CEACAM5: variants seen among roughly 807,000 people sequenced by gnomAD.
The protein encoded by CEACAM5 is CEA cell adhesion molecule 5.
A neutral mutation model predicts 63.0 loss-of-function variants in CEACAM5; 52 were observed. The ratio of observed to expected loss-of-function variants is 0.83; its 90% CI spans 0.66 to 1.04. The LOEUF is 1.04. Among genes scored for constraint, CEACAM5 ranks in the 50% least tolerant of loss-of-function variants. The pLI is 0.00. For missense variants in CEACAM5, 790 were observed against 864.8 expected (o/e 0.91, Z 1.08); for synonymous variants, 357 against 351.3 (o/e 1.02, Z -0.18).
At chr19:41,713,245 C>A (rs1477048593) in intron 2 of CEACAM5, among the ~76,000 whole-genome samples, 1 of 152,000 alleles carries the variant, frequency 6.6e-6, no homozygotes, top group Non-Finnish European at 1.5e-5. Flanking sequence ...GTGGAGGTTG[C>A]AGTGAGCTGA....
chr19:41,711,005 A>G (rs1409125882), intron 2 of CEACAM5, among the ~76,000 whole-genome samples: 1 of 152,156 alleles, frequency 6.6e-6, no homozygotes, highest in Non-Finnish European at 1.5e-5. Flanking sequence ...TTGAAGTCAC[A>G]TGAGGTCTGT....
At chr19:41,709,107 C>A (rs1207729256) in intron 1 of CEACAM5, among the ~76,000 whole-genome samples, 4 of 152,262 alleles carry the variant, frequency 2.6e-5, no homozygotes, top group African/African-American at 7.2e-5. Flanking sequence ...CATCCGCCTA[C>A]CGCGGACATT....
intron 6 of CEACAM5, 26 bp from the exon 7 acceptor site, chr19:41,719,904 C>A (rs782158305): frequency 6.2e-7 from 1 of 1,613,428 alleles, no homozygotes; most frequent in Admixed American, 1.7e-5. Flanking sequence ...CCACACAGGG[C>A]AATCTTCTCT....
chr19:41,724,817 G>T (rs1479993270), intron 8 of CEACAM5, among the ~76,000 whole-genome samples: 1 of 152,154 alleles, frequency 6.6e-6, no homozygotes, highest in Non-Finnish European at 1.5e-5. Context: ...TGTTGATTTT[G>T]TATCCTGCAA....
At chr19:41,728,957 C>T (rs1272962493) in intron 9 of CEACAM5, among the ~76,000 whole-genome samples, 1 of 151,992 alleles carries the variant, frequency 6.6e-6, no homozygotes, top group Non-Finnish European at 1.5e-5. Context: ...ATATGGGAAG[C>T]ACTGTCAAAT....
chr19:41,728,786 C>CAACAAAAAAAA (rs2072733636), intron 9 of CEACAM5, among the ~76,000 whole-genome samples: 5 of 73,298 alleles, frequency 6.8e-5, no homozygotes, highest in African/African-American at 2.3e-4. Context: ...GACTCCGTCT[C>CAACAAAAAAAA]AAAAAAAAAA....
intron 6 of CEACAM5, among the ~76,000 whole-genome samples, 171 bp downstream of exon 6, chr19:41,718,553 G>C (rs1568707589): frequency 1.3e-5 from 2 of 152,116 alleles, no homozygotes; most frequent in Non-Finnish European, 2.9e-5. Flanking sequence ...TCTTCCCCTT[G>C]TTTTTCTGAT....
At chr19:41,718,802 A>C (rs2072570446) in intron 6 of CEACAM5, among the ~76,000 whole-genome samples, 1 of 152,156 alleles carries the variant, frequency 6.6e-6, no homozygotes, top group South Asian at 2.1e-4. Flanking sequence ...TTTTTCCCCA[A>C]ATGAGAGGAG....
At position 41,729,270 on chromosome 19, in the gene CEACAM5, C is replaced by T. The variant is rs1186515079; in HGVS notation, c.*123C>T. On this transcript the variant is annotated 3_prime_UTR_variant, in exon 10 of 10. Transcript: ENST00000221992. ...ACCAAGGATATTTACAGAAAAGACT[C>T]TGACCAGAGATCGAGACCATCCTAG... 6.6e-6 allele frequency: 1 copy of T among 152,098 alleles called. No homozygotes were observed. The highest frequency in any genetic ancestry group is 1.5e-5 in the Non-Finnish European group (1 of 68,030). 9.4% of individuals were successfully genotyped at this position (152,098 alleles called of 1,614,324 possible). A position where few individuals can be genotyped will look rare whatever the true frequency, so the allele number is the denominator to read the frequency against.
At chr19:41,717,337 T>C (rs1363838294) in intron 4 of CEACAM5, 118 bp from the exon 5 acceptor site, 1 of 1,095,272 alleles carries the variant, frequency 9.1e-7, no homozygotes. Flanking sequence ...ACACCTGCCA[T>C]GAGCTTTTAA....
Position 41,720,036 on chromosome 19 carries a change from G to C in CEACAM5, c.1599G>C (p.Leu533=). The C allele has an allele frequency of 6.2e-7, 1 of 1,614,232 alleles. No homozygotes were observed. Among genetic ancestry groups the C allele is most frequent in the Non-Finnish European group, 8.5e-7 (1 of 1,180,044 alleles). Residue 533 remains leucine, a synonymous_variant, in exon 7 of 10, where the codon CTG becomes CTC. Transcript: ENST00000221992. ...CEPEAQNTTY[L]WWVNGQSLPV... ...CTGAGGCTCAGAACACAACCTACCT[G>C]TGGTGGGTAAATGGTCAGAGCCTCC...
At chr19:41,727,021 T>A (rs1285742712) in intron 8 of CEACAM5, among the ~76,000 whole-genome samples, 2 of 152,104 alleles carry the variant, frequency 1.3e-5, no homozygotes, top group African/African-American at 4.8e-5. Context: ...AATAGCTGAG[T>A]GCAGACAGGC....
At position 41,729,766 on chromosome 19, in the gene CEACAM5, C is replaced by A. The variant is rs1262813364; in HGVS notation, c.*619C>A. The A allele has an allele frequency of 2.6e-5, 4 of 152,108 alleles. No individual in the cohort carries two copies. The highest frequency in any genetic ancestry group is 5.9e-5 in the Non-Finnish European group (4 of 68,018). The allele number at this position is 152,108 out of a possible 1,614,324, so 9.4% of individuals were successfully genotyped here. A position where few individuals can be genotyped will look rare whatever the true frequency, so the allele number is the denominator to read the frequency against. ...CTTTTAAGCTATCCACAGCTTACAG[C>A]AATTTGATAAAATATACTTTTGTGA... On this transcript the variant is annotated 3_prime_UTR_variant, in exon 10 of 10. Transcript: ENST00000221992.
At chr19:41,722,964 C>G (rs1413345937) in intron 8 of CEACAM5, among the ~76,000 whole-genome samples, 8 of 152,044 alleles carry the variant, frequency 5.3e-5, no homozygotes, top group Admixed American at 2.0e-4. Flanking sequence ...CTGGAGTGCA[C>G]TGGCGCGATC....
At chr19:41,722,578 G>T (rs1258543060) in intron 8 of CEACAM5, among the ~76,000 whole-genome samples, 1 of 152,040 alleles carries the variant, frequency 6.6e-6, no homozygotes, top group African/African-American at 2.4e-5. Context: ...TTACAAAAAT[G>T]GAATTATATA....
At position 41,715,205 on chromosome 19, in the gene CEACAM5, C is replaced by T. The variant is rs782753397; in HGVS notation, c.659C>T (p.Pro220Leu). ...TASYKCETQN[P>L]VSARRSDSVI... Reference sequence around the variant, plus strand: ...AGCTACAAATGTGAAACCCAGAACCCAGTGAGTGCCAGGCGCAGTGATTCA... The same window carrying T: ...AGCTACAAATGTGAAACCCAGAACCTAGTGAGTGCCAGGCGCAGTGATTCA... The change falls in exon 3 of 10, where the codon CCA (proline) becomes CTA (leucine). Residue 220 changes from proline (P) to leucine (L), a missense_variant. Transcript: ENST00000221992. The T allele has an allele frequency of 6.2e-7, 1 of 1,614,198 alleles. No homozygotes were observed. Among genetic ancestry groups the T allele is most frequent in the South Asian group, 1.1e-5 (1 of 91,086 alleles).
At position 41,708,679 on chromosome 19, in the gene CEACAM5, C is replaced by A; in HGVS notation, c.-53C>A. 1 of 1,536,590 alleles carries A rather than the reference C, an allele frequency of 6.5e-7. No homozygotes were observed. Among genetic ancestry groups the A allele is most frequent in the Non-Finnish European group, 8.9e-7 (1 of 1,119,372 alleles). On this transcript the variant is annotated 5_prime_UTR_variant, in exon 1 of 10. Transcript: ENST00000221992. ...GTCACAGCAGCCTTGACAAAACGTTCCTGGAACTCAAGCTCTTCTCCACAG... is the reference window on the plus strand; with the variant it reads ...GTCACAGCAGCCTTGACAAAACGTTACTGGAACTCAAGCTCTTCTCCACAG...
chr19:41,722,399 C>A (rs972103686), intron 8 of CEACAM5, among the ~76,000 whole-genome samples: 1 of 150,324 alleles, frequency 6.7e-6, no homozygotes, highest in East Asian at 2.0e-4. Context: ...TAAATCAAGT[C>A]TTTTTATACT....
Position 41,717,088 on chromosome 19 carries a change from G to C in CEACAM5, c.959-367G>C, listed in dbSNP as rs1427344507. On this transcript the variant is annotated intron_variant, in intron 4 of 9. Transcript: ENST00000221992. ...TGGCTGGGTGGTGTGGGACTGTGCA[G>C]CTGGAAGAAACGCAGCTCCTTCAAA... Among the ~76,000 whole-genome samples, 3 of 152,206 alleles carry C rather than the reference G, an allele frequency of 2.0e-5. No individual in the cohort carries two copies. In the South Asian group the frequency reaches 6.2e-4, roughly 31 times the overall value.
Sources: gnomAD v4.1 joint callset for allele counts (sites outside exome capture counted in the v4.1 genomes callset) on GRCh38, gnomAD v4.1.1 for gene constraint, MANE v1.5 for transcripts, NCBI Gene and HGNC (gene_info 2026-07-23, HGNC 2026-07-21) for gene names.